The following ELAVL2 variants were observed in gnomAD, a reference collection of about 807,000 sequenced individuals.
ELAVL2 encodes the protein ELAV like RNA binding protein 2.
A neutral mutation model predicts 34.6 loss-of-function variants in ELAVL2; 4 were observed. That is an observed-to-expected ratio of 0.12 (90% CI 0.06 to 0.26). The LOEUF is 0.26. ELAVL2 is among the 10% of genes least tolerant of loss of function. The probability of loss-of-function intolerance (pLI) is 1.00; values close to 1 mark genes in which losing one functional copy is unlikely to be tolerated. For synonymous variants in ELAVL2, 193 were observed against 154.8 expected, an observed-to-expected ratio of 1.25 and a Z score of -1.83; for missense variants, 432 against 442.8, an observed-to-expected ratio of 0.98 and a Z score of 0.22.
intron 3 of ELAVL2, among the ~76,000 whole-genome samples, chr9:23,721,504 C>A (rs938124288): frequency 6.6e-6 from 1 of 152,192 alleles, no homozygotes; most frequent in African/African-American, 2.4e-5. Context: ...AAGAACAGAA[C>A]ACAAATCCAA....
At chr9:23,769,796 C>G (rs1022612639) in intron 1 of ELAVL2, among the ~76,000 whole-genome samples, 1 of 152,186 alleles carries the variant, frequency 6.6e-6, no homozygotes, top group African/African-American at 2.4e-5. Flanking sequence ...TAACGTTTTT[C>G]TGTCTCTTGG....
chr9:23,736,922 G>A (rs1212301166), intron 2 of ELAVL2, among the ~76,000 whole-genome samples: 1 of 152,048 alleles, frequency 6.6e-6, no homozygotes, highest in African/African-American at 2.4e-5. Flanking sequence ...TGCACATTCA[G>A]TTCTCTATGT....
At chr9:23,742,731 C>T (rs922381002) in intron 2 of ELAVL2, among the ~76,000 whole-genome samples, 24 of 152,162 alleles carry the variant, frequency 1.6e-4, no homozygotes, top group African/African-American at 4.8e-4. Flanking sequence ...GGACATCCAT[C>T]GTCCCCAGTC....
chr9:23,727,358 T>A (rs12353389), intron 3 of ELAVL2, among the ~76,000 whole-genome samples: 6,643 of 152,194 alleles, frequency 0.044, 284 homozygotes, highest in East Asian at 0.12. Context: ...TGTTTTTTTA[T>A]AAGCAAAGGC....
intron 1 of ELAVL2, among the ~76,000 whole-genome samples, chr9:23,775,137 G>A (rs1001357302): frequency 1.3e-5 from 2 of 152,194 alleles, no homozygotes; most frequent in African/African-American, 2.4e-5. Flanking sequence ...CCTGCCTTCT[G>A]GAGAATCCAA....
At chr9:23,751,607 T>C (rs2088172465) in intron 2 of ELAVL2, among the ~76,000 whole-genome samples, 2 of 152,172 alleles carry the variant, frequency 1.3e-5, no homozygotes, top group Non-Finnish European at 2.9e-5. Context: ...CTATTTAGTA[T>C]AGTATTTACG....
At position 23,725,546 on chromosome 9, in the gene ELAVL2, G is replaced by A. The variant is rs192807077; in HGVS notation, c.333+5476C>T. Among the ~76,000 whole-genome samples the A allele has an allele frequency of 7.2e-5, 11 of 152,132 alleles. No individual in the cohort carries two copies. The South Asian group carries it at 8.3e-4, about 12-fold the overall frequency. On this transcript the variant is annotated intron_variant, in intron 3 of 6. Coordinates refer to ENST00000397312, the MANE Select transcript of ELAVL2 (RefSeq NM_004432.5). ...ACCCTCTCCTCCTTCTTTACAGTGG[G>A]GGCTGGTTTACACAGCATCTAAGAA...
At chr9:23,738,940 T>C (rs1038893585) in intron 2 of ELAVL2, among the ~76,000 whole-genome samples, 1 of 152,170 alleles carries the variant, frequency 6.6e-6, no homozygotes, top group African/African-American at 2.4e-5. Context: ...CTGCTGGCAA[T>C]GCGGCATGAC....
At chr9:23,824,857 A>T (rs1449670258) in intron 1 of ELAVL2, among the ~76,000 whole-genome samples, 1 of 151,930 alleles carries the variant, frequency 6.6e-6, no homozygotes, top group Non-Finnish European at 1.5e-5. Context: ...GGCGGTAAGG[A>T]GGGGGTGAGG....
chr9:23,833,118 T>A, the ELAVL2 span, among the ~76,000 whole-genome samples: 1 of 152,060 alleles, frequency 6.6e-6, no homozygotes, highest in African/African-American at 2.4e-5. Context: ...TGTGTATCCT[T>A]TAATGAGAGA....
chr9:23,809,187 T>C (rs548541175), intron 1 of ELAVL2, among the ~76,000 whole-genome samples: 1 of 152,286 alleles, frequency 6.6e-6, no homozygotes, highest in South Asian at 2.1e-4. Context: ...TGGCCAATTT[T>C]ATACCAGAGG....
At chr9:23,785,011 T>A (rs1482538952) in intron 1 of ELAVL2, among the ~76,000 whole-genome samples, 2 of 152,192 alleles carry the variant, frequency 1.3e-5, no homozygotes, top group African/African-American at 4.8e-5. Flanking sequence ...GCATCCTACT[T>A]TGGGGCATCT....
chr9:23,809,384 G>A (rs1207687433), intron 1 of ELAVL2, among the ~76,000 whole-genome samples: 1 of 152,098 alleles, frequency 6.6e-6, no homozygotes, highest in Admixed American at 6.6e-5. Context: ...TGGACTGAAA[G>A]ATGCACCCAC....
Position 23,698,492 on chromosome 9 carries a change from C to A in ELAVL2, c.713+2887G>T, listed in dbSNP as rs144655453. ...ATACTTTATGATTATTAAAAGTATTCTTGACCATAATACATATAACTTATA... is the reference window on the plus strand; with the variant it reads ...ATACTTTATGATTATTAAAAGTATTATTGACCATAATACATATAACTTATA... On this transcript the variant is annotated intron_variant, in intron 5 of 6. Coordinates refer to ENST00000397312, the MANE Select transcript of ELAVL2 (RefSeq NM_004432.5). Among the ~76,000 whole-genome samples, 15 of 152,224 alleles carry A rather than the reference C, an allele frequency of 9.9e-5. No homozygotes were observed. In the East Asian group the frequency reaches 2.9e-3, roughly 29 times the overall value.
At chr9:23,786,256 A>T (rs1022199330) in intron 1 of ELAVL2, among the ~76,000 whole-genome samples, 9 of 152,204 alleles carry the variant, frequency 5.9e-5, no homozygotes, top group Non-Finnish European at 1.3e-4. Flanking sequence ...AAAAAATTAT[A>T]ACCATAATAC....
intron 1 of ELAVL2, among the ~76,000 whole-genome samples, chr9:23,792,369 GC>G (rs1216061517): frequency 6.6e-6 from 1 of 152,144 alleles, no homozygotes; most frequent in Admixed American, 6.5e-5. Flanking sequence ...ACTGAACCAT[GC>G]CCCCTCGCTT....
chr9:23,737,258 G>C (rs1022164199), intron 2 of ELAVL2, among the ~76,000 whole-genome samples: 1 of 152,178 alleles, frequency 6.6e-6, no homozygotes, highest in African/African-American at 2.4e-5. Context: ...CCAGGAGCCT[G>C]TGGTTTAGGA....
At chr9:23,835,595 T>G in the ELAVL2 span, among the ~76,000 whole-genome samples, 3 of 152,154 alleles carry the variant, frequency 2.0e-5, no homozygotes, top group Non-Finnish European at 4.4e-5. Context: ...TGTATTGTTT[T>G]GAATAAAACA....
chr9:23,815,640 AG>A (rs938273213), intron 1 of ELAVL2, among the ~76,000 whole-genome samples: 8 of 152,138 alleles, frequency 5.3e-5, no homozygotes, highest in Non-Finnish European at 1.0e-4. Context: ...TGAGATGGGG[AG>A]GGTAAGATTT....
Sources: allele counts gnomAD v4.1 joint callset (sites outside exome capture counted in the v4.1 genomes callset), GRCh38; gene constraint gnomAD v4.1.1; transcripts MANE v1.5; gene names NCBI Gene and HGNC (gene_info 2026-07-23, HGNC 2026-07-21).